GRM7: variants seen among roughly 807,000 people sequenced by gnomAD.
GRM7 encodes the protein metabotropic glutamate receptor 7.
GRM7 carries 35 observed loss-of-function variants against 84.5 expected under a neutral mutation model. The observed-to-expected ratio is 0.41, with a 90% confidence interval of 0.32 to 0.55. The LOEUF (loss-of-function observed/expected upper bound fraction) is 0.55, where lower values mean the gene tolerates loss of function less well. GRM7 is among the 20% of genes least tolerant of loss of function. GRM7 has a pLI of 0.19. For synonymous variants in GRM7, 487 were observed against 455.1 expected, an observed-to-expected ratio of 1.07 and a Z score of -0.89; for missense variants, 1,003 against 1,194.6, an observed-to-expected ratio of 0.84 and a Z score of 2.36.
chr3:7,594,386 G>C (rs1455018583), intron 8 of GRM7, among the ~76,000 whole-genome samples: 2 of 152,086 alleles, frequency 1.3e-5, no homozygotes, highest in Non-Finnish European at 2.9e-5. Flanking sequence ...GGAGTTGTAC[G>C]GTGTGTTGCC....
At chr3:7,703,319 A>G (rs979847622) in intron 9 of GRM7, among the ~76,000 whole-genome samples, 13 of 152,016 alleles carry the variant, frequency 8.6e-5, no homozygotes, top group Admixed American at 7.2e-4. Flanking sequence ...TGTTTTAACA[A>G]CCCCCCCAAG....
chr3:7,187,933 A>G (rs1695575867), intron 2 of GRM7, among the ~76,000 whole-genome samples: 2 of 152,056 alleles, frequency 1.3e-5, no homozygotes, highest in South Asian at 4.2e-4. Context: ...AGTTGTCTCA[A>G]TGCCTAGTAC....
intron 5 of GRM7, among the ~76,000 whole-genome samples, chr3:7,443,282 T>C (rs1308742785): frequency 6.6e-6 from 1 of 152,150 alleles, no homozygotes; most frequent in Non-Finnish European, 1.5e-5. Flanking sequence ...AACCTCTACA[T>C]ATGGTTTTAT....
chr3:7,180,961 T>C (rs569099778), intron 2 of GRM7, among the ~76,000 whole-genome samples: 3 of 152,326 alleles, frequency 2.0e-5, no homozygotes, highest in South Asian at 4.1e-4. Context: ...TCATTTTACT[T>C]TGGAATTGGG....
chr3:7,355,610 A>C (rs1178661009), intron 4 of GRM7, among the ~76,000 whole-genome samples: 2 of 152,092 alleles, frequency 1.3e-5, no homozygotes, highest in Non-Finnish European at 2.9e-5. Flanking sequence ...TACTGAACGC[A>C]TGACTGTGGG....
intron 8 of GRM7, among the ~76,000 whole-genome samples, chr3:7,626,104 G>A (rs1697594087): frequency 6.6e-6 from 1 of 152,182 alleles, no homozygotes; most frequent in African/African-American, 2.4e-5. Context: ...CCGGAGGCCA[G>A]ACTGCAAAAG....
In GRM7 at chr3:7,651,147, G is replaced by T. The variant is rs182415148; in HGVS notation, c.2452-28902G>T. Among the ~76,000 whole-genome samples the T allele has an allele frequency of 3.3e-4, 50 of 152,258 alleles. No individual in the cohort carries two copies. In the East Asian group the frequency reaches 8.9e-3, roughly 27 times the overall value. ...GATCCCAGAGTTCAGGGACCCAAAG[G>T]GTTTCTTTCTCCTTTCTCATGTTTA... On this transcript the variant is annotated intron_variant, in intron 8 of 9. Coordinates refer to ENST00000357716, the MANE Select transcript of GRM7 (RefSeq NM_000844.4).
chr3:7,635,546 C>T lies in GRM7; in HGVS notation c.2452-44503C>T, dbSNP rs115497027. On this transcript the variant is annotated intron_variant, in intron 8 of 9. Coordinates refer to ENST00000357716, the MANE Select transcript of GRM7 (RefSeq NM_000844.4). ...TGAAAGCAATAGTCTGCCCTGTTGCCTTTGCATGTAGTCTCTTCAGTAGAT... is the reference window on the plus strand; with the variant it reads ...TGAAAGCAATAGTCTGCCCTGTTGCTTTTGCATGTAGTCTCTTCAGTAGAT... Among the ~76,000 whole-genome samples the T allele has an allele frequency of 6.8e-3, 1,040 of 152,278 alleles. 12 individuals are homozygous for T. Among genetic ancestry groups the T allele is most frequent in the African/African-American group, 0.023 (949 of 41,552 alleles).
chr3:6,993,092 A>G (rs183529916), intron 1 of GRM7, among the ~76,000 whole-genome samples: 11 of 152,352 alleles, frequency 7.2e-5, no homozygotes, highest in Admixed American at 7.2e-4. Flanking sequence ...GCGAAAGCAA[A>G]CATGTCTTTC....
chr3:7,615,914 C>A (rs1003706052), intron 8 of GRM7, among the ~76,000 whole-genome samples: 1 of 151,662 alleles, frequency 6.6e-6, no homozygotes, highest in Admixed American at 6.6e-5. Context: ...AAGCATATAA[C>A]GTATTTATAT....
intron 1 of GRM7, among the ~76,000 whole-genome samples, chr3:7,025,335 G>A (rs530267134): frequency 3.3e-5 from 5 of 152,300 alleles, no homozygotes; most frequent in African/African-American, 9.6e-5. Flanking sequence ...TGGGGATGAA[G>A]CATTATTCTG....
chr3:7,169,991 C>A (rs1171434964), intron 2 of GRM7, among the ~76,000 whole-genome samples: 1 of 152,010 alleles, frequency 6.6e-6, no homozygotes, highest in Non-Finnish European at 1.5e-5. Context: ...AAATACAGAC[C>A]CCTGGGCCTC....
intron 2 of GRM7, among the ~76,000 whole-genome samples, chr3:7,278,776 C>T (rs1211098776): frequency 6.6e-6 from 1 of 152,138 alleles, no homozygotes; most frequent in African/African-American, 2.4e-5. Context: ...ATTAAAAGAC[C>T]TGAGTTCTAA....
At chr3:7,292,632 CTT>C (rs1474011398) in intron 2 of GRM7, among the ~76,000 whole-genome samples, 1 of 151,888 alleles carries the variant, frequency 6.6e-6, no homozygotes, top group African/African-American at 2.4e-5. Context: ...CTGTGAAACT[CTT>C]TGGATCTCAG....
At chr3:7,493,608 G>A (rs1699600270) in intron 7 of GRM7, among the ~76,000 whole-genome samples, 1 of 151,574 alleles carries the variant, frequency 6.6e-6, no homozygotes, top group South Asian at 2.1e-4. Flanking sequence ...CATATAAGTG[G>A]GTCATATTTT....
intron 7 of GRM7, among the ~76,000 whole-genome samples, chr3:7,488,162 A>G (rs9815274): frequency 1.3e-5 from 2 of 151,890 alleles, no homozygotes; most frequent in Non-Finnish European, 2.9e-5. Context: ...CTGTTTCATG[A>G]TCATATTTTG....
chr3:7,056,637 C>T (rs1001245065), intron 1 of GRM7, among the ~76,000 whole-genome samples: 14 of 151,950 alleles, frequency 9.2e-5, no homozygotes. Flanking sequence ...CGGAAGATAA[C>T]TACTCATTTC....
chr3:6,907,681 T>G (rs1193418972), intron 1 of GRM7, among the ~76,000 whole-genome samples: 1 of 152,178 alleles, frequency 6.6e-6, no homozygotes, highest in Non-Finnish European at 1.5e-5. Flanking sequence ...AAGGCCATTT[T>G]TGTTTTAAGG....
At chr3:7,257,181 G>A (rs1379172246) in intron 2 of GRM7, among the ~76,000 whole-genome samples, 1 of 152,080 alleles carries the variant, frequency 6.6e-6, no homozygotes, top group Non-Finnish European at 1.5e-5. Flanking sequence ...GTTAGGTGAG[G>A]GACCTTATAA....
Sources: allele counts gnomAD v4.1 joint callset (sites outside exome capture counted in the v4.1 genomes callset), GRCh38; gene constraint gnomAD v4.1.1; transcripts MANE v1.5; gene names NCBI Gene and HGNC (gene_info 2026-07-23, HGNC 2026-07-21).